Variants in IDE observed in about 807,000 individuals in gnomAD.
IDE encodes insulin degrading enzyme, also known as insulin-degrading enzyme.
IDE carries 58 observed loss-of-function variants against 133.2 expected under a neutral mutation model. The observed-to-expected ratio is 0.44, with a 90% CI of 0.35 to 0.54. The LOEUF (loss-of-function observed/expected upper bound fraction) is 0.54, where lower values mean the gene tolerates loss of function less well. IDE is among the 20% of genes least tolerant of loss of function. IDE has a pLI of 0.00. For missense variants in IDE, 981 were observed against 1,234.0 expected (o/e 0.79, Z 3.07); for synonymous variants, 396 against 421.3 (o/e 0.94, Z 0.73).
chr10:92,491,603 ATTTTTG>A (rs1847346764), intron 11 of IDE, among the ~76,000 whole-genome samples: 1 of 148,694 alleles, frequency 6.7e-6, no homozygotes, highest in Non-Finnish European at 1.5e-5. Flanking sequence ...CGCCTGGCTA[ATTTTTG>A]TTTTTGTTTT....
chr10:92,464,145 T>G, intron 20 of IDE, 142 bp from the exon 21 acceptor site: 2 of 789,166 alleles, frequency 2.5e-6, no homozygotes, highest in Non-Finnish European at 4.1e-6. Flanking sequence ...ATATGAGCAC[T>G]TAAGATGGTT....
intron 5 of IDE, among the ~76,000 whole-genome samples, chr10:92,510,392 A>G (rs1564634840): frequency 1.3e-5 from 2 of 152,120 alleles, no homozygotes; most frequent in African/African-American, 4.8e-5. Context: ...ATTAGAAACA[A>G]TAATAATTGC....
rs528840630 is a variant in IDE, at chr10:92,524,740, T to C, written c.661+7008A>G. Reference sequence around the variant, plus strand: ...AAGTTTGAGATCAGCCTGGCCAATATAGCAAAACCCCGTCTCTACTAAAAA... The same window carrying C: ...AAGTTTGAGATCAGCCTGGCCAATACAGCAAAACCCCGTCTCTACTAAAAA... On this transcript the variant is annotated intron_variant, in intron 4 of 24. Coordinates refer to ENST00000265986, the MANE Select transcript of IDE (RefSeq NM_004969.4). Among the ~76,000 whole-genome samples the C allele has an allele frequency of 1.7e-4, 24 of 144,206 alleles. 1 individual carries two copies. In the South Asian group the frequency reaches 4.7e-3, roughly 28 times the overall value. 94.6% of individuals were successfully genotyped at this position (144,206 alleles called of 152,430 possible).
intron 1 of IDE, among the ~76,000 whole-genome samples, chr10:92,543,645 A>G (rs933432647): frequency 5.3e-5 from 8 of 152,324 alleles, no homozygotes; most frequent in African/African-American, 1.9e-4. Flanking sequence ...CCTTAAATGA[A>G]GTAGGGTGGT....
chr10:92,537,718 C>T (rs1842087628), intron 1 of IDE, among the ~76,000 whole-genome samples, 168 bp from the exon 2 acceptor site: 1 of 152,134 alleles, frequency 6.6e-6, no homozygotes, highest in South Asian at 2.1e-4. Flanking sequence ...CCTCTTACCC[C>T]TCATTCTTTC....
At chr10:92,467,253 T>G (rs988485871) in intron 19 of IDE, among the ~76,000 whole-genome samples, 5 of 152,030 alleles carry the variant, frequency 3.3e-5, no homozygotes, top group Middle Eastern at 3.2e-3. Flanking sequence ...TATTTTAAAT[T>G]TTTTGTAGAA....
intron 20 of IDE, among the ~76,000 whole-genome samples, chr10:92,464,418 A>G (rs1434575616): frequency 6.6e-6 from 1 of 152,050 alleles, no homozygotes; most frequent in African/African-American, 2.4e-5. Context: ...CGGCTCTCCT[A>G]CTGTATTTCT....
At chr10:92,482,088 T>C (rs967944159) in intron 14 of IDE, among the ~76,000 whole-genome samples, 7 of 152,208 alleles carry the variant, frequency 4.6e-5, no homozygotes, top group Non-Finnish European at 8.8e-5. Context: ...ATAATCACTA[T>C]AATCTCAACA....
At chr10:92,503,473 T>TA (rs1848136600) in intron 11 of IDE, among the ~76,000 whole-genome samples, 1 of 152,102 alleles carries the variant, frequency 6.6e-6, no homozygotes, top group African/African-American at 2.4e-5. Context: ...TGAGGTCAGG[T>TA]AAAATCTGGC....
chr10:92,455,105 C>T (rs1464351018), intron 24 of IDE, among the ~76,000 whole-genome samples: 1 of 152,004 alleles, frequency 6.6e-6, no homozygotes, highest in Non-Finnish European at 1.5e-5. Context: ...ACTAGATGTT[C>T]AGGGAAGAAC....
chr10:92,503,656 CT>C (rs1424634331), intron 11 of IDE, among the ~76,000 whole-genome samples: 4 of 151,730 alleles, frequency 2.6e-5, no homozygotes, highest in African/African-American at 9.7e-5. Context: ...GATAATATGT[CT>C]GGAAAAGTTC....
At chr10:92,505,809 A>C (rs976833705) in intron 10 of IDE, among the ~76,000 whole-genome samples, 1 of 152,218 alleles carries the variant, frequency 6.6e-6, no homozygotes, top group Non-Finnish European at 1.5e-5. Flanking sequence ...ATGCTTGAAA[A>C]TTAGAGAGCC....
chr10:92,549,555 T>C (rs1842686891), intron 1 of IDE, among the ~76,000 whole-genome samples: 1 of 152,006 alleles, frequency 6.6e-6, no homozygotes, highest in Admixed American at 6.6e-5. Context: ...GAAGGAAACT[T>C]TACAGGAACC....
At chr10:92,540,078 C>T (rs1209664088) in intron 1 of IDE, among the ~76,000 whole-genome samples, 1 of 151,940 alleles carries the variant, frequency 6.6e-6, no homozygotes, top group East Asian at 1.9e-4. Flanking sequence ...CCCATCTTTA[C>T]TAAAAATACA....
intron 4 of IDE, among the ~76,000 whole-genome samples, chr10:92,530,691 C>T (rs55689278): frequency 6.6e-6 from 1 of 152,196 alleles, no homozygotes; most frequent in Non-Finnish European, 1.5e-5. Flanking sequence ...TGTAGACATT[C>T]TAAGAACCAC....
chr10:92,510,757 C>G (rs986395362), intron 5 of IDE, among the ~76,000 whole-genome samples: 4 of 138,658 alleles, frequency 2.9e-5, no homozygotes, highest in African/African-American at 1.1e-4. Flanking sequence ...ACATACATCT[C>G]ACATATATGA....
intron 9 of IDE, 49 bp from the exon 10 acceptor site, chr10:92,506,571 A>AC: frequency 1.1e-6 from 1 of 882,464 alleles, no homozygotes. Context: ...TTATTTAGAA[A>AC]CCTTTTTTTT....
At chr10:92,487,865 C>T (rs1353572828) in intron 12 of IDE, among the ~76,000 whole-genome samples, 4 of 152,178 alleles carry the variant, frequency 2.6e-5, no homozygotes, top group Admixed American at 6.5e-5. Flanking sequence ...GGCATGATCT[C>T]AACTCACTGC....
intron 1 of IDE, among the ~76,000 whole-genome samples, chr10:92,554,161 G>A (rs1842908291): frequency 6.6e-6 from 1 of 152,142 alleles, no homozygotes; most frequent in Non-Finnish European, 1.5e-5. Context: ...GGCAATGCAA[G>A]GATGGTTCAA....
Sources: allele counts gnomAD v4.1 joint callset (sites outside exome capture counted in the v4.1 genomes callset), GRCh38; gene constraint gnomAD v4.1.1; transcripts MANE v1.5; gene names NCBI Gene and HGNC (gene_info 2026-07-23, HGNC 2026-07-21).